Variants in RALA observed in about 807,000 individuals in gnomAD.
RALA encodes the protein ras-related protein Ral-A.
In RALA, 5 loss-of-function variants were observed where a neutral mutation model predicts 24.0. The ratio of observed to expected loss-of-function variants is 0.21; its 90% CI spans 0.11 to 0.44. The LOEUF (loss-of-function observed/expected upper bound fraction) is 0.44. Among genes scored for constraint, RALA ranks in the 20% least tolerant of loss-of-function variants. The probability of loss-of-function intolerance (pLI) is 0.99; values close to 1 mark genes in which losing one functional copy is unlikely to be tolerated. For synonymous variants in RALA, 77 were observed against 83.8 expected (o/e 0.92, Z 0.44); for missense variants, 95 against 241.2 (o/e 0.39, Z 4.01).
intron 1 of RALA, among the ~76,000 whole-genome samples, chr7:39,683,213 T>C (rs1046973975): frequency 6.6e-6 from 1 of 152,228 alleles, no homozygotes; most frequent in Non-Finnish European, 1.5e-5. Context: ...TACTCTGTTA[T>C]AGCAACAGGA....
intron 1 of RALA, among the ~76,000 whole-genome samples, chr7:39,636,159 A>G (rs559636960): frequency 6.6e-6 from 1 of 152,344 alleles, no homozygotes; most frequent in African/African-American, 2.4e-5. Context: ...AATAATGTTG[A>G]CATGAACATT....
intron 1 of RALA, among the ~76,000 whole-genome samples, chr7:39,683,944 A>C (rs141539809): frequency 2.0e-5 from 3 of 152,316 alleles, no homozygotes; most frequent in African/African-American, 7.2e-5. Context: ...AAAATAAAAC[A>C]GTAGATATAT....
intron 1 of RALA, among the ~76,000 whole-genome samples, chr7:39,655,533 A>C (rs1276795927): frequency 6.6e-6 from 1 of 152,226 alleles, no homozygotes; most frequent in Non-Finnish European, 1.5e-5. Context: ...TTTATATAGA[A>C]TAACATAGTG....
chr7:39,645,247 T>TCC (rs1791903937), intron 1 of RALA, among the ~76,000 whole-genome samples: 1 of 152,180 alleles, frequency 6.6e-6, no homozygotes, highest in South Asian at 2.1e-4. Context: ...ACAGCAGGGT[T>TCC]TTGTAGCTTA....
intron 1 of RALA, among the ~76,000 whole-genome samples, chr7:39,649,403 A>G (rs1462969185): frequency 6.6e-6 from 1 of 152,230 alleles, no homozygotes; most frequent in Admixed American, 6.5e-5. Context: ...CCTTAATTCA[A>G]CAATATTAAG....
intron 1 of RALA, among the ~76,000 whole-genome samples, chr7:39,686,008 CCAG>C (rs1378252766): frequency 3.9e-5 from 6 of 152,184 alleles, no homozygotes; most frequent in Admixed American, 3.9e-4. Context: ...GAGTTTGAGA[CCAG>C]CCTGGCCAAC....
chr7:39,695,759 C>T lies in RALA; in HGVS notation c.324-926C>T, dbSNP rs932579377. 5.9e-5 allele frequency among the ~76,000 whole-genome samples: 9 copies of T among 152,242 alleles called. No homozygotes were observed. The East Asian group carries it at 1.7e-3, about 29-fold the overall frequency. On this transcript the variant is annotated intron_variant, in intron 3 of 4. Coordinates refer to ENST00000005257, the MANE Select transcript of RALA (RefSeq NM_005402.4). ...TTGCAGTTAGTTGAGTCTGTGGATA[C>T]AGAGGGCTGACTTTACTTACGTTCC... is the stretch of plus-strand genomic sequence containing the variant.
chr7:39,654,189 A>T (rs1051438704), intron 1 of RALA, among the ~76,000 whole-genome samples: 1 of 152,236 alleles, frequency 6.6e-6, no homozygotes, highest in Non-Finnish European at 1.5e-5. Context: ...GAATTGTATG[A>T]ATCAAGAACA....
intron 1 of RALA, among the ~76,000 whole-genome samples, chr7:39,625,104 C>A (rs1346981636): frequency 6.6e-6 from 1 of 152,180 alleles, no homozygotes; most frequent in South Asian, 2.1e-4. Context: ...AGAAGCTGTT[C>A]ACACATTTCT....
chr7:39,658,343 T>A (rs546512292), intron 1 of RALA, among the ~76,000 whole-genome samples: 1 of 152,192 alleles, frequency 6.6e-6, no homozygotes, highest in African/African-American at 2.4e-5. Flanking sequence ...GTGTTATCAA[T>A]ACTTCGAACA....
intron 1 of RALA, among the ~76,000 whole-genome samples, chr7:39,629,161 C>G (rs1791548877): frequency 6.6e-6 from 1 of 152,086 alleles, no homozygotes; most frequent in African/African-American, 2.4e-5. Context: ...CTGTCAAACT[C>G]CTCATCCTGT....
At chr7:39,663,503 A>G (rs2116002506) in intron 1 of RALA, among the ~76,000 whole-genome samples, 1 of 152,270 alleles carries the variant, frequency 6.6e-6, no homozygotes, top group African/African-American at 2.4e-5. Flanking sequence ...AAGTGCTCCC[A>G]AGAAGCAGAG....
intron 4 of RALA, chr7:39,697,361 GAAAGT>G (rs767669794): frequency 6.6e-6 from 3 of 456,666 alleles, no homozygotes; most frequent in South Asian, 4.6e-5. Context: ...AGAAAGAAAG[GAAAGT>G]AAACACTCTG....
chr7:39,686,732 G>A lies in RALA; in HGVS notation c.65G>A (p.Ser22Asn). Residue 22 changes from serine to asparagine, a missense_variant, in exon 2 of 5, where the codon AGT becomes AAT. Physicochemically the swap from Ser to Asn is conservative, Grantham distance 46 (BLOSUM62 1). Coordinates refer to ENST00000005257, the MANE Select transcript of RALA (RefSeq NM_005402.4). ...TTACACAAAGTCATCATGGTGGGCA[G>A]TGGTGGCGTGGGCAAGTCAGCTCTG... ...LALHKVIMVG[S>N]GGVGKSALTL... The A allele has an allele frequency of 6.2e-7, 1 of 1,614,172 alleles. No homozygotes were observed. Among genetic ancestry groups the A allele is most frequent in the Non-Finnish European group, 8.5e-7 (1 of 1,179,996 alleles).
chr7:39,627,920 AC>A (rs1791521854), intron 1 of RALA, among the ~76,000 whole-genome samples: 1 of 151,772 alleles, frequency 6.6e-6, no homozygotes, highest in Admixed American at 6.6e-5. Flanking sequence ...CATATACAAA[AC>A]CTTCAAGATG....
chr7:39,688,471 CTT>C (rs1293733930), intron 2 of RALA, among the ~76,000 whole-genome samples: 4 of 151,606 alleles, frequency 2.6e-5, no homozygotes, highest in East Asian at 3.9e-4. Context: ...TCATTGAATT[CTT>C]TGTTTCATAC....
chr7:39,626,862 A>C (rs1240143645), intron 1 of RALA, among the ~76,000 whole-genome samples: 2 of 152,198 alleles, frequency 1.3e-5, no homozygotes, highest in Non-Finnish European at 2.9e-5. Context: ...TGGTAAAAGA[A>C]GCAGAGATGT....
chr7:39,703,159 CCTT>C (rs1793058497), intron 4 of RALA: 1 of 152,114 alleles, frequency 6.6e-6, no homozygotes, highest in Non-Finnish European at 1.5e-5. Context: ...AGAAATTAAA[CCTT>C]CATCTAGTTT....
intron 1 of RALA, among the ~76,000 whole-genome samples, chr7:39,673,960 A>G (rs1387673379): frequency 6.6e-6 from 1 of 152,068 alleles, no homozygotes; most frequent in African/African-American, 2.4e-5. Flanking sequence ...CCCAGGCAAC[A>G]TAGTGAGACC....
Sources: gnomAD v4.1 joint callset for allele counts (sites outside exome capture counted in the v4.1 genomes callset) on GRCh38, gnomAD v4.1.1 for gene constraint, MANE v1.5 for transcripts, NCBI Gene and HGNC (gene_info 2026-07-23, HGNC 2026-07-21) for gene names.